Variants in SLC25A37 observed in about 807,000 individuals in gnomAD.
SLC25A37 encodes solute carrier family 25 member 37.
In SLC25A37, 17 loss-of-function variants were observed where a neutral mutation model predicts 31.0. The ratio of observed to expected loss-of-function variants is 0.55; its 90% CI spans 0.38 to 0.82. SLC25A37 has a LOEUF of 0.82. Ranked by LOEUF, SLC25A37 falls within the 40% of genes least tolerant of loss-of-function variation. The probability of loss-of-function intolerance (pLI) is 0.00; values close to 1 mark genes in which losing one functional copy is unlikely to be tolerated. For synonymous variants in SLC25A37, 222 were observed against 193.0 expected, an observed-to-expected ratio of 1.15 and a Z score of -1.24; for missense variants, 404 against 465.8, an observed-to-expected ratio of 0.87 and a Z score of 1.22.
rs192096078 is a variant in SLC25A37, at chr8:23,545,741, G to A, written c.210+16529G>A. 4.4e-3 allele frequency among the ~76,000 whole-genome samples: 673 copies of A among 152,324 alleles called. 10 individuals are homozygous for A. Among genetic ancestry groups the A allele is most frequent in the African/African-American group, 0.015 (642 of 41,574 alleles). ...TAGATGAGTGTTCTGGCTCACACCTGTAATCCCAGCTACTCAGGAGGCTGA... is the reference window on the plus strand; with the variant it reads ...TAGATGAGTGTTCTGGCTCACACCTATAATCCCAGCTACTCAGGAGGCTGA... On this transcript the variant is annotated intron_variant, in intron 1 of 3. Coordinates refer to ENST00000519973, the MANE Select transcript of SLC25A37 (RefSeq NM_016612.4).
chr8:23,571,078 AG>A (rs1401884091), intron 3 of SLC25A37, among the ~76,000 whole-genome samples: 1 of 152,192 alleles, frequency 6.6e-6, no homozygotes, highest in Admixed American at 6.5e-5. Flanking sequence ...AGCAAGATTC[AG>A]GCAGGAGAGA....
intron 1 of SLC25A37, among the ~76,000 whole-genome samples, chr8:23,530,831 A>ATTT: frequency 6.6e-6 from 1 of 152,248 alleles, no homozygotes; most frequent in East Asian, 1.9e-4. Flanking sequence ...ATTTTAGCTT[A>ATTT]TTTTTAGGAT....
At chr8:23,545,844 A>C (rs1362465900) in intron 1 of SLC25A37, among the ~76,000 whole-genome samples, 1 of 152,144 alleles carries the variant, frequency 6.6e-6, no homozygotes, top group Non-Finnish European at 1.5e-5. Flanking sequence ...AAAAATAAAA[A>C]TAAAAAAATA....
At chr8:23,532,677 C>G (rs999694599) in intron 1 of SLC25A37, among the ~76,000 whole-genome samples, 4 of 152,176 alleles carry the variant, frequency 2.6e-5, no homozygotes, top group Admixed American at 2.6e-4. Context: ...TGTGACTCTC[C>G]TAGGATGAGC....
intron 1 of SLC25A37, among the ~76,000 whole-genome samples, chr8:23,563,350 C>T (rs1368147486): frequency 4.6e-5 from 7 of 152,242 alleles, no homozygotes; most frequent in Admixed American, 2.0e-4. Flanking sequence ...CCATGCCTGG[C>T]TAATTTCTTA....
intron 1 of SLC25A37, among the ~76,000 whole-genome samples, chr8:23,557,668 C>T (rs954615579): frequency 5.3e-5 from 8 of 152,190 alleles, no homozygotes; most frequent in East Asian, 3.9e-4. Context: ...TGGATGGGCT[C>T]ATGGTGGACA....
rs201338357 is a variant in SLC25A37, at chr8:23,571,663, C to T, written c.825C>T (p.Ile275=). 2.5e-6 allele frequency: 4 copies of T among 1,614,000 alleles called. No individual in the cohort carries two copies. Among genetic ancestry groups the T allele is most frequent in the Middle Eastern group, 1.6e-4 (1 of 6,062 alleles). The change falls in exon 4 of 4, where the codon ATC becomes ATT. Residue 275 remains isoleucine (I), a synonymous_variant. Transcript: ENST00000519973. The part of the protein sequence containing the change: ...QENVALSLAN[I]SGRLSGMANA... The stretch of plus-strand genomic sequence containing the variant: ...ACGTGGCCCTCTCGCTGGCCAACAT[C>T]AGCGGCCGGCTGTCGGGTATGGCCA...
At chr8:23,567,553 G>C (rs1252401112) in intron 2 of SLC25A37, 2 of 153,284 alleles carry the variant, frequency 1.3e-5, no homozygotes, top group Admixed American at 1.3e-4. Context: ...TGGTGGGGGA[G>C]TGGGTATTAC....
chr8:23,533,007 TCTCTCCCTTCTTGTCTC>T (rs988395135), intron 1 of SLC25A37, among the ~76,000 whole-genome samples: 10 of 152,242 alleles, frequency 6.6e-5, no homozygotes, highest in Non-Finnish European at 1.2e-4. Flanking sequence ...ATGATTTTTC[TCTCTCCCTTCTTGTCTC>T]CTCTCCCTCA....
chr8:23,547,259 C>T (rs141799465), intron 1 of SLC25A37, among the ~76,000 whole-genome samples: 1 of 152,264 alleles, frequency 6.6e-6, no homozygotes, highest in African/African-American at 2.4e-5. Context: ...GAACATTTGT[C>T]AATCCAGAAC....
intron 1 of SLC25A37, among the ~76,000 whole-genome samples, chr8:23,551,042 G>A (rs926790890): frequency 1.3e-5 from 2 of 152,216 alleles, no homozygotes; most frequent in African/African-American, 2.4e-5. Flanking sequence ...AGACCAGTCA[G>A]CAGTGTCGGG....
intron 1 of SLC25A37, among the ~76,000 whole-genome samples, chr8:23,544,286 G>A (rs565194812): frequency 3.3e-5 from 5 of 152,176 alleles, no homozygotes; most frequent in Admixed American, 2.0e-4. Flanking sequence ...ACACTATAGC[G>A]TACAGCCTAG....
rs1018010740 is a variant in SLC25A37, at chr8:23,571,925, C to T, written c.*70C>T. On this transcript the variant is annotated 3_prime_UTR_variant, in exon 4 of 4. Transcript: ENST00000519973. ...CATCCAGCCCCTTGCCCTCTCCTCACACGTAGATCATTTTTTTTTTGCAGG... is the reference window on the plus strand; with the variant it reads ...CATCCAGCCCCTTGCCCTCTCCTCATACGTAGATCATTTTTTTTTTGCAGG... The T allele has an allele frequency of 1.1e-4, 163 of 1,506,500 alleles. No individual in the cohort carries two copies. Among genetic ancestry groups the T allele is most frequent in the Non-Finnish European group, 1.4e-4 (155 of 1,122,116 alleles). 93.3% of individuals were successfully genotyped at this position (1,506,500 alleles called of 1,614,324 possible).
At chr8:23,542,459 A>C (rs1448810983) in intron 1 of SLC25A37, among the ~76,000 whole-genome samples, 2 of 144,066 alleles carry the variant, frequency 1.4e-5, no homozygotes, top group Non-Finnish European at 3.0e-5. Flanking sequence ...GCTTACTGCA[A>C]CCTCCACCTC....
At chr8:23,535,647 GATAAAGACA>G (rs1378226111) in intron 1 of SLC25A37, among the ~76,000 whole-genome samples, 1 of 152,190 alleles carries the variant, frequency 6.6e-6, no homozygotes, top group Non-Finnish European at 1.5e-5. Context: ...TCAAGCTGCT[GATAAAGACA>G]TACCTGAGAC....
chr8:23,573,474 A>C lies in SLC25A37; in HGVS notation c.*1619A>C, dbSNP rs1802913721. ...GAGCAGGAAGCTCATGTATGTTTGC[A>C]TTTCAGTGAGCCGGGTCCTGACCTG... On this transcript the variant is annotated 3_prime_UTR_variant, in exon 4 of 4. Transcript: ENST00000519973. The C allele has an allele frequency of 9.9e-6, 2 of 202,394 alleles. No homozygotes were observed. Among genetic ancestry groups the C allele is most frequent in the South Asian group, 7.6e-5 (1 of 13,232 alleles). The allele number at this position is 202,394 out of a possible 1,614,324, so 12.5% of individuals were successfully genotyped here.
chr8:23,566,493 C>G, intron 2 of SLC25A37, 157 bp downstream of exon 2: 1 of 1,423,732 alleles, frequency 7.0e-7, no homozygotes, highest in Non-Finnish European at 9.1e-7. Context: ...CCCAGACACA[C>G]GCACGCACAC....
chr8:23,568,316 T>C lies in SLC25A37; in HGVS notation c.440-6T>C. On this transcript the variant is annotated splice_region_variant and splice_polypyrimidine_tract_variant and intron_variant, in intron 2 of 3. Transcript: ENST00000519973. ...AGAGGGTAATTTTCTGGAGTTTGTTTTGCAGGGATAGCTGGGAGTATGGCC... is the reference window on the plus strand; with the variant it reads ...AGAGGGTAATTTTCTGGAGTTTGTTCTGCAGGGATAGCTGGGAGTATGGCC... 1 of 1,613,946 alleles carries C rather than the reference T, an allele frequency of 6.2e-7. No homozygotes were observed. The highest frequency in any genetic ancestry group is 8.5e-7 in the Non-Finnish European group (1 of 1,179,862).
intron 1 of SLC25A37, among the ~76,000 whole-genome samples, chr8:23,540,367 G>A (rs1173431727): frequency 6.6e-6 from 1 of 152,156 alleles, no homozygotes; most frequent in African/African-American, 2.4e-5. Context: ...AGAAAGGGCT[G>A]AGATTGATGA....
Sources: allele counts gnomAD v4.1 joint callset (sites outside exome capture counted in the v4.1 genomes callset), GRCh38; gene constraint gnomAD v4.1.1; transcripts MANE v1.5; gene names NCBI Gene and HGNC (gene_info 2026-07-23, HGNC 2026-07-21).